Variants in MSI2 observed in about 807,000 individuals in gnomAD.
MSI2 encodes musashi RNA binding protein 2.
MSI2 carries 17 observed loss-of-function variants against 45.6 expected under a neutral mutation model. The ratio of observed to expected loss-of-function variants is 0.37; its 90% CI spans 0.26 to 0.56. The LOEUF (loss-of-function observed/expected upper bound fraction) is 0.56, where lower values mean the gene tolerates loss of function less well. Ranked by LOEUF, MSI2 falls within the 20% of genes least tolerant of loss-of-function variation. The pLI, the probability that MSI2 is intolerant of heterozygous loss-of-function variation, is 0.77. For synonymous variants in MSI2, 156 were observed against 158.2 expected, an observed-to-expected ratio of 0.99 and a Z score of 0.11; for missense variants, 293 against 444.2, an observed-to-expected ratio of 0.66 and a Z score of 3.06.
Position 57,502,636 on chromosome 17 carries a change from T to TAGAG in MSI2, c.406-27038_406-27037insAGAG, listed in dbSNP as rs1439981218. ...ATATATATATATATATATATATATA[T>TAGAG]AGTCATCATTCTGTCATGCAGGAAG... On this transcript the variant is annotated intron_variant, in intron 6 of 13. Coordinates refer to ENST00000284073, the MANE Select transcript of MSI2 (RefSeq NM_138962.4). 9.3e-5 allele frequency among the ~76,000 whole-genome samples: 9 copies of TAGAG among 96,902 alleles called. 1 individual carries two copies. The highest frequency in any genetic ancestry group is 4.3e-5 in the Non-Finnish European group (2 of 46,518). The allele number at this position is 96,902 out of a possible 152,430, so 63.6% of individuals were successfully genotyped here. A position where few individuals can be genotyped will look rare whatever the true frequency, so the allele number is the denominator to read the frequency against.
intron 6 of MSI2, among the ~76,000 whole-genome samples, chr17:57,403,203 T>C (rs1246275470): frequency 6.6e-6 from 1 of 152,210 alleles, no homozygotes; most frequent in Non-Finnish European, 1.5e-5. Context: ...TTTTAGAGTA[T>C]TCCAGACAGG....
chr17:57,520,263 G>C (rs925448831), intron 6 of MSI2, among the ~76,000 whole-genome samples: 2 of 152,172 alleles, frequency 1.3e-5, no homozygotes, highest in South Asian at 4.1e-4. Context: ...CTGAGCAGGA[G>C]GTTTTGCCTT....
At chr17:57,325,108 G>T (rs1007789542) in intron 5 of MSI2, among the ~76,000 whole-genome samples, 1 of 152,188 alleles carries the variant, frequency 6.6e-6, no homozygotes, top group Admixed American at 6.5e-5. Context: ...TAAAGAAAAT[G>T]TGGTATATAT....
intron 6 of MSI2, among the ~76,000 whole-genome samples, chr17:57,521,769 T>G (rs752103912): frequency 3.9e-5 from 6 of 152,154 alleles, no homozygotes; most frequent in Non-Finnish European, 8.8e-5. Flanking sequence ...AAATCCTCTT[T>G]CGGGCTGCCC....
intron 6 of MSI2, among the ~76,000 whole-genome samples, chr17:57,403,222 T>G (rs2143114105): frequency 6.6e-6 from 1 of 152,366 alleles, no homozygotes; most frequent in Non-Finnish European, 1.5e-5. Context: ...GGCTTCTACT[T>G]GCCAACACAT....
chr17:57,566,348 C>T (rs747655717), intron 7 of MSI2, among the ~76,000 whole-genome samples: 95 of 152,166 alleles, frequency 6.2e-4, no homozygotes, highest in Middle Eastern at 3.4e-3. Flanking sequence ...TGATAATGTA[C>T]GTTTTACATT....
At chr17:57,347,261 G>GT (rs1915686037) in intron 5 of MSI2, among the ~76,000 whole-genome samples, 1 of 152,168 alleles carries the variant, frequency 6.6e-6, no homozygotes, top group African/African-American at 2.4e-5. Context: ...GACTAGCATT[G>GT]TAGAAAGAAG....
chr17:57,524,687 G>A (rs1424052326), intron 6 of MSI2, among the ~76,000 whole-genome samples: 4 of 152,152 alleles, frequency 2.6e-5, no homozygotes, highest in South Asian at 2.1e-4. Flanking sequence ...CTTTTCCATC[G>A]TGGGGTCTAC....
intron 7 of MSI2, among the ~76,000 whole-genome samples, chr17:57,543,280 G>A (rs80164549): frequency 6.6e-6 from 1 of 152,194 alleles, no homozygotes; most frequent in African/African-American, 2.4e-5. Flanking sequence ...CTTAAGAGGG[G>A]GGGAAAATGC....
At chr17:57,634,299 C>T (rs914518343) in intron 10 of MSI2, among the ~76,000 whole-genome samples, 6 of 152,170 alleles carry the variant, frequency 3.9e-5, no homozygotes, top group Admixed American at 3.3e-4. Context: ...AACCCCATCT[C>T]TACTAAAAAT....
At chr17:57,323,495 G>A (rs1913517230) in intron 5 of MSI2, among the ~76,000 whole-genome samples, 2 of 152,348 alleles carry the variant, frequency 1.3e-5, no homozygotes, top group African/African-American at 4.8e-5. Flanking sequence ...TCCAGTGGAA[G>A]CCTTTGCCCT....
At chr17:57,549,172 G>A (rs1001621984) in intron 7 of MSI2, among the ~76,000 whole-genome samples, 12 of 152,202 alleles carry the variant, frequency 7.9e-5, no homozygotes, top group African/African-American at 1.7e-4. Flanking sequence ...GCCGGGCGCC[G>A]GCCGACAGAA....
chr17:57,439,029 T>C (rs1187880245), intron 6 of MSI2, among the ~76,000 whole-genome samples: 1 of 152,212 alleles, frequency 6.6e-6, no homozygotes. Flanking sequence ...CTCAAACTCC[T>C]GACCTCAGGT....
At chr17:57,258,465 A>C in intron 4 of MSI2, 111 bp downstream of exon 4, 1 of 944,156 alleles carries the variant, frequency 1.1e-6, no homozygotes, top group South Asian at 1.3e-5. Flanking sequence ...AGAACTGGGT[A>C]GTTTTAAACT....
intron 7 of MSI2, among the ~76,000 whole-genome samples, chr17:57,575,305 C>T (rs555066131): frequency 3.9e-5 from 6 of 152,154 alleles, no homozygotes; most frequent in African/African-American, 1.2e-4. Context: ...GCATCATTTG[C>T]CCTAGATGCT....
At chr17:57,492,771 A>G (rs1190852717) in intron 6 of MSI2, among the ~76,000 whole-genome samples, 2 of 152,110 alleles carry the variant, frequency 1.3e-5, no homozygotes, top group Admixed American at 6.6e-5. Flanking sequence ...TAATTTTTGT[A>G]TTTTTAGTAG....
intron 2 of MSI2, 34 bp from the exon 3 acceptor site, chr17:57,257,432 T>TG: frequency 9.7e-7 from 1 of 1,033,978 alleles, no homozygotes; most frequent in Non-Finnish European, 1.4e-6. Flanking sequence ...ACACCTTCTC[T>TG]CCCCCCCCCA....
intron 6 of MSI2, among the ~76,000 whole-genome samples, chr17:57,450,563 G>A (rs895494090): frequency 6.6e-6 from 1 of 150,586 alleles, no homozygotes; most frequent in African/African-American, 2.5e-5. Context: ...CCAATTACTC[G>A]GGAGGCTGAG....
chr17:57,415,346 G>A (rs1288977817), intron 6 of MSI2, among the ~76,000 whole-genome samples: 1 of 146,970 alleles, frequency 6.8e-6, no homozygotes, highest in Non-Finnish European at 1.5e-5. Context: ...ATTTGCCATT[G>A]GCATTTACTG....
Sources: allele counts gnomAD v4.1 joint callset (sites outside exome capture counted in the v4.1 genomes callset), GRCh38; gene constraint gnomAD v4.1.1; transcripts MANE v1.5; gene names NCBI Gene and HGNC (gene_info 2026-07-23, HGNC 2026-07-21).